CHD5: variants seen among roughly 807,000 people sequenced by gnomAD.
CHD5 encodes ATP-dependent chromatin remodeler CHD5.
Under a neutral mutation model 230.3 loss-of-function variants are expected in CHD5, and 69 were observed. That is an observed-to-expected ratio of 0.30 (90% CI 0.25 to 0.37). The LOEUF (loss-of-function observed/expected upper bound fraction) is 0.37. Ranked by LOEUF, CHD5 falls within the 10% of genes least tolerant of loss-of-function variation. The pLI is 1.00. For synonymous variants in CHD5, 1,064 were observed against 1,065.9 expected, an observed-to-expected ratio of 1.00 and a Z score of 0.03; for missense variants, 1,827 against 2,622.8, an observed-to-expected ratio of 0.70 and a Z score of 6.63.
rs559835589 is a variant in CHD5, at chr1:6,172,681, A to G, written c.80-4404T>C. Among the ~76,000 whole-genome samples the G allele has an allele frequency of 1.2e-4, 18 of 152,084 alleles. No homozygotes were observed. In the South Asian group the frequency reaches 3.8e-3, roughly 32 times the overall value. ...CCACTGAAACAGCCCACGCTGTGTA[A>G]ACCGGCTCGGTGGATGCCCTGGGGA... On this transcript the variant is annotated intron_variant, in intron 1 of 41. Coordinates refer to ENST00000262450, the MANE Select transcript of CHD5 (RefSeq NM_015557.3).
At position 6,103,900 on chromosome 1, in the gene CHD5, G is replaced by C. The variant is rs1666115351; in HGVS notation, c.*1574C>G. On this transcript the variant is annotated 3_prime_UTR_variant, in exon 42 of 42. Transcript: ENST00000262450. The stretch of plus-strand genomic sequence containing the variant: ...TCTGCAACACAAGCTGGTGAATCCT[G>C]ACCCAGCCCTGGCCCCCTCAGTCCC... 1.3e-5 allele frequency: 2 copies of C among 152,300 alleles called. No homozygotes were observed. The highest frequency in any genetic ancestry group is 1.3e-4 in the Admixed American group (2 of 15,292). 9.4% of individuals were successfully genotyped at this position (152,300 alleles called of 1,614,324 possible).
At chr1:6,162,853 G>A (rs1667199144) in intron 2 of CHD5, among the ~76,000 whole-genome samples, 3 of 152,318 alleles carry the variant, frequency 2.0e-5, no homozygotes, top group South Asian at 4.1e-4. Flanking sequence ...ACCTGGACAA[G>A]AAGGGGCTGC....
At position 6,134,148 on chromosome 1, in the gene CHD5, G is replaced by C. The variant is rs776744869; in HGVS notation, c.3124C>G (p.Arg1042Gly). The C allele has an allele frequency of 1.2e-6, 2 of 1,613,212 alleles. No homozygotes were observed. Among genetic ancestry groups the C allele is most frequent in the African/African-American group, 2.7e-5 (2 of 74,926 alleles). ...CGCACCTGGGAGAAGATGAGCACAC[G>C]GTGCCCCTCATCCCGCAGTTTCTTC... ...MLKKLRDEGH[R>G]VLIFSQMTKM... Residue 1042 changes from arginine to glycine, a missense_variant, in exon 20 of 42, where the codon CGT (arginine) becomes GGT (glycine). Arg to Gly is a moderately radical substitution (Grantham distance 125). Transcript: ENST00000262450. The surrounding 1 kb of genome is among the most constrained non-coding windows in gnomAD (Gnocchi z 6.3).
Position 6,136,422 on chromosome 1 carries a change from G to A in CHD5, c.2696+95C>T, listed in dbSNP as rs562453406. On this transcript the variant is annotated intron_variant, in intron 17 of 41. Transcript: ENST00000262450. ...TTTTACTGATGAGGAAGCAACGGCC[G>A]AGCAGGTCTCACAGCCAGGATGGGC... 6.3e-4 allele frequency: 896 copies of A among 1,429,886 alleles called. 1 individual carries two copies. The highest frequency in any genetic ancestry group is 7.1e-4 in the Non-Finnish European group (738 of 1,036,766). The allele number at this position is 1,429,886 out of a possible 1,614,324, so 88.6% of individuals were successfully genotyped here. A position where few individuals can be genotyped will look rare whatever the true frequency, so the allele number is the denominator to read the frequency against.
intron 34 of CHD5, 75 bp from the exon 35 acceptor site, chr1:6,112,352 CG>C (rs1666306193): frequency 1.9e-6 from 3 of 1,567,324 alleles, no homozygotes; most frequent in South Asian, 1.2e-5. Flanking sequence ...CTGCCAAGCA[CG>C]GGGGACCCAG....
chr1:6,149,108 G>A, intron 8 of CHD5, 33 bp from the exon 9 acceptor site: 1 of 1,475,674 alleles, frequency 6.8e-7, no homozygotes, highest in East Asian at 2.5e-5. Flanking sequence ...GGCACCCTGG[G>A]CGGGGTCCCC....
At chr1:6,163,363 G>C (rs1010477771) in intron 2 of CHD5, among the ~76,000 whole-genome samples, 6 of 152,198 alleles carry the variant, frequency 3.9e-5, no homozygotes, top group Non-Finnish European at 8.8e-5. Flanking sequence ...CTGAGCCTCT[G>C]CCCTGCCTCC....
Position 6,112,180 on chromosome 1 carries a change from T to G in CHD5, c.5100A>C (p.Lys1700Asn). 4 of 1,614,150 alleles carry G rather than the reference T, an allele frequency of 2.5e-6. No individual in the cohort carries two copies. Among genetic ancestry groups the G allele is most frequent in the Non-Finnish European group, 3.4e-6 (4 of 1,180,020 alleles). ...DEGKKEDKKG[K>N]FKFMFNIADG... ...CCGCGATGTTGAACATGAACTTGAA[T>G]TTCCCCTTCTTGTCCTCCTTCTTCC... The change falls in exon 35 of 42, where the codon AAA becomes AAC. Residue 1700 changes from lysine to asparagine, a missense_variant. Physicochemically the swap from Lys to Asn is moderately conservative, Grantham distance 94. Coordinates refer to ENST00000262450, the MANE Select transcript of CHD5 (RefSeq NM_015557.3).
At chr1:6,139,200 TA>T (rs2100854538) in intron 15 of CHD5, among the ~76,000 whole-genome samples, 1 of 152,188 alleles carries the variant, frequency 6.6e-6, no homozygotes, top group East Asian at 1.9e-4. Flanking sequence ...TGAATGTACT[TA>T]ACACTACTAA....
chr1:6,174,169 G>A (rs1005515437), intron 1 of CHD5, among the ~76,000 whole-genome samples: 5 of 151,958 alleles, frequency 3.3e-5, no homozygotes, highest in African/African-American at 1.2e-4. Flanking sequence ...AAAACGGCCA[G>A]ACAGAAAGGG....
rs149483451 is a variant in CHD5 at position 6,158,485 on chromosome 1, T to C, written c.387+851A>G. Among the ~76,000 whole-genome samples, 4 of 152,336 alleles carry C rather than the reference T, an allele frequency of 2.6e-5. No homozygotes were observed. The East Asian group carries it at 7.7e-4, about 29-fold the overall frequency. On this transcript the variant is annotated intron_variant, in intron 3 of 41. Transcript: ENST00000262450. ...CCTGACACTAAACTTGAGCTCACAC[T>C]ATCTATCACTCTCCCCTAGAAATAG...
At chr1:6,138,409 C>T (rs2746064) in intron 15 of CHD5, among the ~76,000 whole-genome samples, 13,100 of 152,034 alleles carry the variant, frequency 0.086, 804 homozygotes, top group East Asian at 0.29. Context: ...TTTAAAACAC[C>T]TTGGCATGTT....
chr1:6,151,344 C>T (rs201010618), intron 6 of CHD5, among the ~76,000 whole-genome samples, 189 bp from the exon 7 acceptor site: 17 of 152,180 alleles, frequency 1.1e-4, no homozygotes, highest in African/African-American at 4.1e-4. Context: ...GATGTCCCAC[C>T]GCCTACCCAG....
chr1:6,135,164 G>T, intron 18 of CHD5, 66 bp downstream of exon 18: 1 of 1,579,362 alleles, frequency 6.3e-7, no homozygotes, highest in South Asian at 1.1e-5. Context: ...CCTGGGAATC[G>T]ACCCAGGAGA....
At chr1:6,149,742 T>C (rs1455647753) in intron 7 of CHD5, among the ~76,000 whole-genome samples, 5 of 145,596 alleles carry the variant, frequency 3.4e-5, no homozygotes, top group African/African-American at 1.0e-4. Context: ...AATGGACAAA[T>C]GGATGGACAA....
At chr1:6,135,102 G>T (rs1666718247) in intron 18 of CHD5, 128 bp downstream of exon 18, 2 of 1,140,318 alleles carry the variant, frequency 1.8e-6, no homozygotes, top group East Asian at 2.4e-5. Context: ...CGAAGAAAGT[G>T]TATGCAAAGC....
At chr1:6,116,761 A>T (rs1456684955) in intron 33 of CHD5, among the ~76,000 whole-genome samples, 3 of 152,268 alleles carry the variant, frequency 2.0e-5, no homozygotes, top group Admixed American at 2.0e-4. Flanking sequence ...AGAATTTACC[A>T]TTCCCAAAAA....
In CHD5 at chr1:6,168,134, A is replaced by G. The variant is rs1165765498; in HGVS notation, c.207+16T>C. 3 of 1,587,260 alleles carry G rather than the reference A, an allele frequency of 1.9e-6. No homozygotes were observed. In the Admixed American group the frequency reaches 5.1e-5, roughly 27 times the overall value. ...CCACCCGCCCCAAGCTCGCCGGCGC[A>G]GGTGCTGCCCCTCACCTCTTTCTTC... is the stretch of plus-strand genomic sequence containing the variant. On this transcript the variant is annotated intron_variant, in intron 2 of 41. Coordinates refer to ENST00000262450, the MANE Select transcript of CHD5 (RefSeq NM_015557.3).
At chr1:6,145,480 C>T (rs1666895543) in intron 11 of CHD5, among the ~76,000 whole-genome samples, 1 of 152,244 alleles carries the variant, frequency 6.6e-6, no homozygotes, top group Admixed American at 6.5e-5. Context: ...TCAGCCACCA[C>T]CAGTTCTCAA....
Sources: allele counts gnomAD v4.1 joint callset (sites outside exome capture counted in the v4.1 genomes callset), GRCh38; gene constraint gnomAD v4.1.1; non-coding constraint Gnocchi (gnomAD v3.1); transcripts MANE v1.5; gene names NCBI Gene and HGNC (gene_info 2026-07-23, HGNC 2026-07-21).